The following VRK1 variants were observed in gnomAD, a reference collection of about 807,000 sequenced individuals.
VRK1 encodes the protein VRK serine/threonine kinase 1.
A neutral mutation model predicts 57.1 loss-of-function variants in VRK1; 33 were observed. The observed-to-expected ratio is 0.58, with a 90% confidence interval of 0.44 to 0.77. VRK1 has a LOEUF of 0.77. Among genes scored for constraint, VRK1 ranks in the 30% least tolerant of loss-of-function variants. The probability of loss-of-function intolerance (pLI) is 0.00; values close to 1 mark genes in which losing one functional copy is unlikely to be tolerated. For synonymous variants in VRK1, 137 were observed against 147.8 expected (o/e 0.93, Z 0.53); for missense variants, 413 against 477.3 (o/e 0.87, Z 1.25).
At chr14:96,813,069 A>G (rs574668771) in intron 1 of VRK1, among the ~76,000 whole-genome samples, 41 of 152,326 alleles carry the variant, frequency 2.7e-4, no homozygotes, top group African/African-American at 9.1e-4. Flanking sequence ...TGTGGCAGAT[A>G]TGTTAGATTG....
chr14:96,861,917 T>C (rs760063592), intron 11 of VRK1, among the ~76,000 whole-genome samples: 2 of 152,214 alleles, frequency 1.3e-5, no homozygotes, highest in Non-Finnish European at 2.9e-5. Context: ...TTTGCATACA[T>C]GCATAAACAA....
chr14:96,856,139 G>A lies in VRK1; in HGVS notation c.719G>A (p.Arg240Lys). The change falls in exon 9 of 13, where the codon AGA (arginine) becomes AAA (lysine). Residue 240 changes from arginine to lysine, a missense_variant. Transcript: ENST00000216639. ...IDAHNGVAPS[R>K]RGDLEILGYC... ...TCTCTTGCATTTGTAGCCCCATCAA[G>A]ACGTGGTGATTTGGAAATACTTGGT... 1 of 1,613,656 alleles carries A rather than the reference G, an allele frequency of 6.2e-7. No individual in the cohort carries two copies. The highest frequency in any genetic ancestry group is 8.5e-7 in the Non-Finnish European group (1 of 1,179,782).
At chr14:96,858,063 GTTA>G (rs1389968879) in intron 10 of VRK1, among the ~76,000 whole-genome samples, 1 of 150,964 alleles carries the variant, frequency 6.6e-6, no homozygotes, top group East Asian at 1.9e-4. Context: ...GTTTTTTTTT[GTTA>G]TTGTTGTTGT....
chr14:96,858,463 C>A (rs769480969), intron 10 of VRK1, among the ~76,000 whole-genome samples: 2 of 152,126 alleles, frequency 1.3e-5, no homozygotes, highest in Non-Finnish European at 2.9e-5. Flanking sequence ...TAGTTACATA[C>A]CATTATGTAT....
chr14:96,849,031 G>C (rs1394721118), intron 5 of VRK1, among the ~76,000 whole-genome samples: 1 of 152,194 alleles, frequency 6.6e-6, no homozygotes, highest in East Asian at 1.9e-4. Context: ...GGGCATGTGT[G>C]TAAGAGAGAA....
chr14:96,863,089 T>C (rs1205211949), intron 11 of VRK1, among the ~76,000 whole-genome samples: 1 of 152,208 alleles, frequency 6.6e-6, no homozygotes, highest in African/African-American at 2.4e-5. Flanking sequence ...GAGTGAAACA[T>C]GAATTTACCC....
rs1401998132 is a variant in VRK1, at chr14:96,881,277, A to G, written c.*69A>G. 3 of 1,425,224 alleles carry G rather than the reference A, an allele frequency of 2.1e-6. No individual in the cohort carries two copies. The highest frequency in any genetic ancestry group is 2.9e-6 in the Non-Finnish European group (3 of 1,033,420). The allele number at this position is 1,425,224 out of a possible 1,614,324, so 88.3% of individuals were successfully genotyped here. The stretch of plus-strand genomic sequence containing the variant: ...GACTTTTTTCTCCTTTTCTATTTGA[A>G]CTGTTTTATTTTCCTGTGAGTCTTG... On this transcript the variant is annotated 3_prime_UTR_variant, in exon 13 of 13. Transcript: ENST00000216639.
intron 1 of VRK1, among the ~76,000 whole-genome samples, chr14:96,808,037 G>GTGTGTT: frequency 8.7e-6 from 1 of 114,464 alleles, no homozygotes; most frequent in Non-Finnish European, 1.9e-5. Flanking sequence ...GTGTGTGTGT[G>GTGTGTT]TGTGTGTGTG....
At chr14:96,800,559 A>G (rs1024870670) in intron 1 of VRK1, among the ~76,000 whole-genome samples, 1 of 152,160 alleles carries the variant, frequency 6.6e-6, no homozygotes, top group Non-Finnish European at 1.5e-5. Flanking sequence ...TCTTCAGGAA[A>G]TTTATTAAGA....
intron 11 of VRK1, among the ~76,000 whole-genome samples, chr14:96,865,002 C>T (rs560810695): frequency 6.6e-6 from 1 of 151,428 alleles, no homozygotes; most frequent in East Asian, 1.9e-4. Flanking sequence ...GTATGTGTTG[C>T]ACATATCATC....
At chr14:96,811,326 A>G (rs949006025) in intron 1 of VRK1, among the ~76,000 whole-genome samples, 24 of 152,242 alleles carry the variant, frequency 1.6e-4, no homozygotes, top group Admixed American at 1.3e-4. Flanking sequence ...TAACAAAAAA[A>G]TTAGCTATCT....
chr14:96,797,895 C>A (rs942406579), intron 1 of VRK1, among the ~76,000 whole-genome samples: 1 of 152,198 alleles, frequency 6.6e-6, no homozygotes, highest in Non-Finnish European at 1.5e-5. Context: ...CGATGTTTTG[C>A]GGATACGGAA....
intron 12 of VRK1, among the ~76,000 whole-genome samples, chr14:96,876,346 T>C (rs1053004782): frequency 2.0e-5 from 3 of 152,142 alleles, no homozygotes; most frequent in Admixed American, 6.5e-5. Flanking sequence ...ATTTTGCAGA[T>C]TTGGAACCCG....
chr14:96,809,378 T>A (rs1327426537), intron 1 of VRK1, among the ~76,000 whole-genome samples: 2 of 152,216 alleles, frequency 1.3e-5, no homozygotes, highest in African/African-American at 4.8e-5. Flanking sequence ...AATTCATTTA[T>A]TCATTCCATT....
chr14:96,879,795 G>A (rs1319400248), intron 12 of VRK1, among the ~76,000 whole-genome samples: 1 of 151,918 alleles, frequency 6.6e-6, no homozygotes. Context: ...TGGGCGTGGT[G>A]ACAGGCACCT....
rs1311100114 is a variant in VRK1, at chr14:96,852,828, C to T, written c.375-3C>T. The T allele has an allele frequency of 1.2e-6, 2 of 1,611,704 alleles. No homozygotes were observed. The highest frequency in any genetic ancestry group is 8.5e-7 in the Non-Finnish European group (1 of 1,178,052). On this transcript the variant is annotated splice_polypyrimidine_tract_variant and splice_region_variant and intron_variant, in intron 5 of 12. Transcript: ENST00000216639. Reference sequence around the variant, plus strand: ...TTCATTGGCTTTTCATATTTGTCTTCAGTTACAGGTTTATGATAATGGATC... The same window carrying T: ...TTCATTGGCTTTTCATATTTGTCTTTAGTTACAGGTTTATGATAATGGATC...
chr14:96,870,969 G>GA (rs1888797832), intron 11 of VRK1, among the ~76,000 whole-genome samples: 1 of 152,196 alleles, frequency 6.6e-6, no homozygotes, highest in South Asian at 2.1e-4. Flanking sequence ...TGCTTTTGCT[G>GA]AAAAAAATGT....
intron 1 of VRK1, among the ~76,000 whole-genome samples, chr14:96,824,908 C>T (rs1387773190): frequency 6.6e-6 from 1 of 152,052 alleles, no homozygotes; most frequent in African/African-American, 2.4e-5. Flanking sequence ...CCGCCTCGGC[C>T]TCCCAAAGTG....
At chr14:96,797,980 G>T (rs1885507238) in intron 1 of VRK1, among the ~76,000 whole-genome samples, 1 of 152,186 alleles carries the variant, frequency 6.6e-6, no homozygotes, top group Non-Finnish European at 1.5e-5. Flanking sequence ...TAGGTGATCC[G>T]GGAGGGCATC....
Sources: allele counts gnomAD v4.1 joint callset (sites outside exome capture counted in the v4.1 genomes callset), GRCh38; gene constraint gnomAD v4.1.1; transcripts MANE v1.5; gene names NCBI Gene and HGNC (gene_info 2026-07-23, HGNC 2026-07-21).